NEB: variants seen among roughly 807,000 people sequenced by gnomAD.
The protein encoded by NEB is nemaline myopathy type 2.
In NEB, 512 loss-of-function variants were observed where a neutral mutation model predicts 952.2. The ratio of observed to expected loss-of-function variants is 0.54; its 90% CI spans 0.50 to 0.58. The LOEUF is 0.58. Ranked by LOEUF, NEB falls within the 20% of genes least tolerant of loss-of-function variation. NEB has a pLI of 0.00. For missense variants in NEB, 8,428 were observed against 9,231.1 expected (o/e 0.91, Z 3.56); for synonymous variants, 2,900 against 3,149.8 (o/e 0.92, Z 2.66).
chr2:151,549,719 G>T lies in NEB; in HGVS notation c.19966C>A (p.Arg6656Ser). The change falls in exon 130 of 182, where the codon CGC becomes AGC. Residue 6656 changes from arginine (R) to serine (S), a missense_variant. Arg to Ser is a moderately radical substitution (Grantham distance 110). Transcript: ENST00000397345. ...QSSNLYKTSL[R>S]TLPTGYRLPG... The stretch of plus-strand genomic sequence containing the variant: ...AGTCTATATCCAGTGGGCAGGGTGC[G>T]CAGGCTGGTTTTGTATAGATTCTGC... 6.3e-7 allele frequency: 1 copy of T among 1,589,280 alleles called. No individual in the cohort carries two copies. The highest frequency in any genetic ancestry group is 8.6e-7 in the Non-Finnish European group (1 of 1,166,676).
intron 34 of NEB, 95 bp downstream of exon 34, chr2:151,677,470 G>C (rs1460177100): frequency 1.1e-6 from 1 of 883,934 alleles, no homozygotes; most frequent in East Asian, 2.9e-5. Context: ...AAAATGGAAA[G>C]ATATTGGCCC....
intron 76 of NEB, among the ~76,000 whole-genome samples, chr2:151,615,052 A>G (rs1231738084): frequency 6.6e-6 from 1 of 152,204 alleles, no homozygotes; most frequent in Admixed American, 6.5e-5. Context: ...GATAGAGTTT[A>G]TGTGTCACCA....
In NEB at chr2:151,674,703, G is replaced by A. The variant is rs2099345628; in HGVS notation, c.3880-119C>T. The A allele has an allele frequency of 4.7e-5, 34 of 715,804 alleles. No homozygotes were observed. The South Asian group carries it at 5.5e-4, about 12-fold the overall frequency. The allele number at this position is 715,804 out of a possible 1,614,324, so 44.3% of individuals were successfully genotyped here. ...TCCCTCATAGCACATACTGCTTTAG[G>A]AAATCACATTGGCAAAGTGTCACAC... On this transcript the variant is annotated intron_variant, in intron 35 of 181. Transcript: ENST00000397345.
intron 10 of NEB, among the ~76,000 whole-genome samples, chr2:151,713,496 T>G (rs576634277): frequency 1.6e-4 from 25 of 152,308 alleles, no homozygotes; most frequent in Middle Eastern, 3.4e-3. Context: ...GGGCCTGGTA[T>G]CCTCATGCTG....
At chr2:151,570,440 T>C in intron 108 of NEB, 48 bp from the exon 109 acceptor site, 2 of 1,584,558 alleles carry the variant, frequency 1.3e-6, no homozygotes, top group Non-Finnish European at 1.7e-6. Flanking sequence ...GTCCTCTTGA[T>C]GCACCTAGGG....
At chr2:151,714,725 T>C (rs879859968) in intron 10 of NEB, among the ~76,000 whole-genome samples, 1 of 152,202 alleles carries the variant, frequency 6.6e-6, no homozygotes, top group Non-Finnish European at 1.5e-5. Flanking sequence ...AAGGAGGTTT[T>C]TTAAAAAATT....
In NEB at chr2:151,561,974, T is replaced by C. The variant is rs4605369; in HGVS notation, c.18996+136A>G. On this transcript the variant is annotated intron_variant, in intron 121 of 181. Transcript: ENST00000397345. The stretch of plus-strand genomic sequence containing the variant: ...GAGCAGGACACTAGAAGAGCTTTGA[T>C]TGGGAGAGGAGGGGCTTTGGTCAGT... 1.5e-3 allele frequency: 1,040 copies of C among 681,282 alleles called. 7 individuals are homozygous for C. The African/African-American group carries it at 0.016, about 10-fold the overall frequency. The allele number at this position is 681,282 out of a possible 1,614,324, so 42.2% of individuals were successfully genotyped here.
Position 151,680,762 on chromosome 2 carries a change from G to A in NEB, c.3010C>T (p.Gln1004Ter). The A allele has an allele frequency of 1.2e-6, 2 of 1,612,424 alleles. No homozygotes were observed. The highest frequency in any genetic ancestry group is 1.7e-6 in the Non-Finnish European group (2 of 1,178,584). Reference sequence around the variant, plus strand: ...CTCTGGGCCTGGTTAATTTTAGACTGTACTGTAATTGGAGCATCTTCAATC... The same window carrying A: ...CTCTGGGCCTGGTTAATTTTAGACTATACTGTAATTGGAGCATCTTCAATC... ...TSIEDAPITV[Q>*]SKINQAQRSD... The change falls in exon 30 of 182, where the codon CAG (glutamine) becomes TAG (stop). Residue 1004 changes from glutamine to a stop codon, truncating the protein, a stop_gained. Transcript: ENST00000397345. LOFTEE classifies it high-confidence loss of function.
At chr2:151,545,845 T>C in intron 135 of NEB, 43 bp downstream of exon 135, 1 of 1,231,586 alleles carries the variant, frequency 8.1e-7, no homozygotes, top group East Asian at 2.4e-5. Context: ...CAGTTTGTAC[T>C]GGTCAATTTG....
chr2:151,618,580 T>C, intron 73 of NEB, 102 bp from the exon 74 acceptor site: 1 of 1,137,276 alleles, frequency 8.8e-7, no homozygotes, highest in Admixed American at 2.4e-5. Context: ...CGATGAATAG[T>C]TAAGGTTCCT....
chr2:151,639,290 T>C lies in NEB; in HGVS notation c.8984A>G (p.Asn2995Ser). The change falls in exon 63 of 182, where the codon AAC (asparagine) becomes AGC (serine). Residue 2995 changes from asparagine (N) to serine (S), a missense_variant. Around this residue, in one of 11 missense-constraint regions of NEB, gnomAD observed 1,772 missense variants for 1,960.3 expected, o/e 0.90. Transcript: ENST00000397345. ...AGAATCTGCTCTCACCTCACTGTAG[T>C]TGATTTTGTTCATTCTTGCCAACAT... ...EIMLARMNKI[N>S]YSESLYKLAN... The C allele has an allele frequency of 1.9e-6, 3 of 1,539,694 alleles. No homozygotes were observed. The highest frequency in any genetic ancestry group is 2.6e-6 in the Non-Finnish European group (3 of 1,145,304).
intron 109 of NEB, among the ~76,000 whole-genome samples, chr2:151,569,672 T>TA (rs890167732): frequency 6.6e-5 from 10 of 152,178 alleles, no homozygotes; most frequent in Non-Finnish European, 1.5e-4. Flanking sequence ...CCGACATTTG[T>TA]ACACAAAAAT....
At chr2:151,538,081 T>C (rs1261753094) in intron 139 of NEB, 59 bp downstream of exon 139, 32 of 1,496,838 alleles carry the variant, frequency 2.1e-5, no homozygotes, top group Non-Finnish European at 2.9e-5. Context: ...AAAAAATATA[T>C]GTATATGTAT....
At position 151,697,599 on chromosome 2, in the gene NEB, T is replaced by A. The variant is rs201624046; in HGVS notation, c.1202A>T (p.Tyr401Phe). ...YEKTKAKSIN[Y>F]CETPKFKLDT... ...GAGCTTGAATTTGGGGGTCTCGCAG[T>A]AATTTATGCTCTTTGCTTTTGTCTT... The change falls in exon 14 of 182, where the codon TAC becomes TTC. Residue 401 changes from tyrosine (Y) to phenylalanine (F), a missense_variant. By Grantham distance (22) the Tyr-to-Phe change is conservative (BLOSUM62 3). Transcript: ENST00000397345. 6 of 1,613,086 alleles carry A rather than the reference T, an allele frequency of 3.7e-6. No individual in the cohort carries two copies. In the East Asian group the frequency reaches 1.3e-4, roughly 36 times the overall value.
At position 151,497,007 on chromosome 2, in the gene NEB, C is replaced by T. The variant is rs1574981537; in HGVS notation, c.24327G>A (p.Lys8109=). 5 of 1,574,710 alleles carry T rather than the reference C, an allele frequency of 3.2e-6. No homozygotes were observed. Among genetic ancestry groups the T allele is most frequent in the Non-Finnish European group, 8.6e-7 (1 of 1,158,086 alleles). The part of the protein sequence containing the change: ...SSVLYKENMG[K]GTPLPVTPEM... Reference sequence around the variant, plus strand: ...CAGGAGTGACAGGTAGAGGGGTTCCCTTGCCCATGTTTTCTTTGTATAACA... The same window carrying T: ...CAGGAGTGACAGGTAGAGGGGTTCCTTTGCCCATGTTTTCTTTGTATAACA... Residue 8109 remains lysine (K), a synonymous_variant, in exon 172 of 182, where the codon AAG becomes AAA. Coordinates refer to ENST00000397345, the MANE Select transcript of NEB (RefSeq NM_001164508.2).
At chr2:151,532,047 A>G (rs1285325696) in intron 143 of NEB, 151 bp from the exon 144 acceptor site, 2 of 595,376 alleles carry the variant, frequency 3.4e-6, no homozygotes, top group Non-Finnish European at 5.9e-6. Flanking sequence ...TTTGTGTCTG[A>G]TAGCAAAAGT....
chr2:151,539,328 C>T (rs2093696766), intron 138 of NEB, among the ~76,000 whole-genome samples: 1 of 152,166 alleles, frequency 6.6e-6, no homozygotes, highest in Non-Finnish European at 1.5e-5. Context: ...TCCCAGCTTA[C>T]ATTTTAAGCA....
chr2:151,642,920 C>T, intron 58 of NEB, 51 bp from the exon 59 acceptor site: 1 of 1,389,670 alleles, frequency 7.2e-7, no homozygotes, highest in Non-Finnish European at 9.9e-7. Context: ...TAAATAGACA[C>T]ATGCAGACAG....
chr2:151,677,179 GA>G lies in NEB; in HGVS notation c.3774+385del, dbSNP rs1266063879. On this transcript the variant is annotated intron_variant, in intron 34 of 181. Coordinates refer to ENST00000397345, the MANE Select transcript of NEB (RefSeq NM_001164508.2). ...TGTCTTATATATGAAAAGAAAATAT[GA>G]GAAACTTAACATAGAATTGAATACA... is the stretch of plus-strand genomic sequence containing the variant. Among the ~76,000 whole-genome samples the G allele has an allele frequency of 2.0e-5, 3 of 152,112 alleles. No homozygotes were observed. The East Asian group carries it at 5.8e-4, about 29-fold the overall frequency.
Sources: gnomAD v4.1 joint callset for allele counts (sites outside exome capture counted in the v4.1 genomes callset) on GRCh38, gnomAD v4.1.1 for gene constraint, gnomAD v4.1.1 regional missense constraint, MANE v1.5 for transcripts, NCBI Gene and HGNC (gene_info 2026-07-23, HGNC 2026-07-21) for gene names.